PRKCG: variants seen among roughly 807,000 people sequenced by gnomAD.
The protein encoded by PRKCG is protein kinase C gamma.
A neutral mutation model predicts 82.0 loss-of-function variants in PRKCG; 28 were observed. That is an observed-to-expected ratio of 0.34 (90% CI 0.25 to 0.47). PRKCG has a LOEUF of 0.47. PRKCG is among the 20% of genes least tolerant of loss of function. PRKCG has a pLI of 1.00. For missense variants in PRKCG, 640 were observed against 952.7 expected (o/e 0.67, Z 4.32); for synonymous variants, 383 against 376.6 (o/e 1.02, Z -0.20).
In PRKCG at chr19:53,892,534, C is replaced by T. The variant is rs771732555; in HGVS notation, c.712C>T (p.Arg238Cys). The change falls in exon 7 of 18, where the codon CGC becomes TGC. Residue 238 changes from arginine (R) to cysteine (C), a missense_variant. This residue lies in a region of PRKCG where 261 missense variants were observed against 312.1 expected (regional missense o/e 0.84). Coordinates refer to ENST00000263431, the MANE Select transcript of PRKCG (RefSeq NM_002739.5). The surrounding 1 kb of genome is among the most constrained non-coding windows in gnomAD (Gnocchi z 5.9). The part of the protein sequence containing the change: ...VFNLKPGDVE[R>C]RLSVEVWDWD... ...CAACCTGAAGCCAGGGGATGTGGAG[C>T]GCCGGCTCAGCGTGGAGGTGTGGGA... 10 of 1,612,858 alleles carry T rather than the reference C, an allele frequency of 6.2e-6. No homozygotes were observed. Among genetic ancestry groups the T allele is most frequent in the Admixed American group, 1.7e-5 (1 of 59,932 alleles).
chr19:53,888,325 C>A (rs1167585750), intron 3 of PRKCG, among the ~76,000 whole-genome samples: 1 of 152,106 alleles, frequency 6.6e-6, no homozygotes, highest in African/African-American at 2.4e-5. Flanking sequence ...TGTGATAATC[C>A]TTTTAATGGA....
At chr19:53,887,728 G>A (rs1384207708) in intron 3 of PRKCG, among the ~76,000 whole-genome samples, 1 of 150,850 alleles carries the variant, frequency 6.6e-6, no homozygotes, top group Non-Finnish European at 1.5e-5. Context: ...TACTCGGGAG[G>A]CTGAGGCAGG....
chr19:53,898,308 CAGGGCTGTCAG>C, intron 10 of PRKCG, 121 bp from the exon 11 acceptor site: 1 of 1,360,006 alleles, frequency 7.4e-7, no homozygotes, highest in Non-Finnish European at 1.0e-6. Flanking sequence ...GGCGGCAAGT[CAGGGCTGTCAG>C]TCCCTTAAGA....
rs991190048 is a variant in PRKCG, at chr19:53,883,514, G to A, written c.202+320G>A. On this transcript the variant is annotated intron_variant, in intron 2 of 17. Coordinates refer to ENST00000263431, the MANE Select transcript of PRKCG (RefSeq NM_002739.5). The surrounding 1 kb of genome is among the most constrained non-coding windows in gnomAD (Gnocchi z 5.4). ...AGGGGGAGGGGGCTGGAGATGCAAAGTCAGAGCCCCCCCCCACCCCAGGCT... is the reference window on the plus strand; with the variant it reads ...AGGGGGAGGGGGCTGGAGATGCAAAATCAGAGCCCCCCCCCACCCCAGGCT... Among the ~76,000 whole-genome samples, 1 of 151,884 alleles carries A rather than the reference G, an allele frequency of 6.6e-6. No homozygotes were observed. The highest frequency in any genetic ancestry group is 2.4e-5 in the African/African-American group (1 of 41,292).
chr19:53,890,076 C>T (rs2068662207), intron 5 of PRKCG, 59 bp downstream of exon 5: 6 of 1,521,238 alleles, frequency 3.9e-6, no homozygotes, highest in South Asian at 3.6e-5. Context: ...GCGGGGCTGA[C>T]CCAAGGCACT....
At position 53,889,584 on chromosome 19, in the gene PRKCG, C is replaced by G. The variant is rs2068655931; in HGVS notation, c.286-54C>G. On this transcript the variant is annotated intron_variant, in intron 3 of 17. Transcript: ENST00000263431. This position sits in a 1 kb window ranked among gnomAD's most constrained non-coding sequence, Gnocchi z 4.4. Reference sequence around the variant, plus strand: ...AGGAAAAGATAAAAGGGCCCCTCCCCTGGGGTTTTAGGACCCTCCCAACGC... The same window carrying G: ...AGGAAAAGATAAAAGGGCCCCTCCCGTGGGGTTTTAGGACCCTCCCAACGC... The G allele has an allele frequency of 7.2e-7, 1 of 1,390,384 alleles. No individual in the cohort carries two copies. Among genetic ancestry groups the G allele is most frequent in the Non-Finnish European group, 1.0e-6 (1 of 979,400 alleles). The allele number at this position is 1,390,384 out of a possible 1,614,324, so 86.1% of individuals were successfully genotyped here.
At chr19:53,891,583 A>C in intron 5 of PRKCG, 91 bp from the exon 6 acceptor site, 19 of 1,542,574 alleles carry the variant, frequency 1.2e-5, no homozygotes, top group Non-Finnish European at 1.6e-5. Flanking sequence ...TGCCTGGCCA[A>C]GCTTGGAACT....
Position 53,892,774 on chromosome 19 carries a change from A to ACACG in PRKCG, c.821+134_821+135insGCAC. On this transcript the variant is annotated intron_variant, in intron 7 of 17. Transcript: ENST00000263431. The surrounding 1 kb of genome is among the most constrained non-coding windows in gnomAD (Gnocchi z 5.9). ...TGCGCACACACACACACACACACAC[A>ACACG]CACACACGCACACACACGCACACAC... 1 of 1,034,194 alleles carries ACACG rather than the reference A, an allele frequency of 9.7e-7. No individual in the cohort carries two copies. Among genetic ancestry groups the ACACG allele is most frequent in the East Asian group, 2.6e-5 (1 of 38,386 alleles). 64.1% of individuals were successfully genotyped at this position (1,034,194 alleles called of 1,614,324 possible).
Position 53,892,749 on chromosome 19 carries a change from T to TGC in PRKCG, c.821+109_821+110dup, listed in dbSNP as rs780235525. The TGC allele has an allele frequency of 0.035, 34,716 of 979,172 alleles. 257 individuals are homozygous for TGC. The highest frequency in any genetic ancestry group is 0.037 in the Admixed American group (1,371 of 37,540). 60.7% of individuals were successfully genotyped at this position (979,172 alleles called of 1,614,324 possible). A position where few individuals can be genotyped will look rare whatever the true frequency, so the allele number is the denominator to read the frequency against. Reference sequence around the variant, plus strand: ...CTGTCCTTCCCTCTGCCTCCCAGCATGCGCACACACACACACACACACACA... The same window carrying TGC: ...CTGTCCTTCCCTCTGCCTCCCAGCATGCGCGCACACACACACACACACACACA... On this transcript the variant is annotated intron_variant, in intron 7 of 17. Transcript: ENST00000263431. The surrounding 1 kb of genome is among the most constrained non-coding windows in gnomAD (Gnocchi z 5.9).
In PRKCG at chr19:53,882,745, A is replaced by T. The variant is rs2068602496; in HGVS notation, c.170+81A>T. ...TATCACGCCGACCCCTGTGGAAGGA[A>T]GAAGGAGGGGGCTGTAGTCCCGACT... On this transcript the variant is annotated intron_variant, in intron 1 of 17. Transcript: ENST00000263431. The surrounding 1 kb of genome is among the most constrained non-coding windows in gnomAD (Gnocchi z 6.1). 6.4e-7 allele frequency: 1 copy of T among 1,552,614 alleles called. No homozygotes were observed. Among genetic ancestry groups the T allele is most frequent in the Non-Finnish European group, 8.7e-7 (1 of 1,145,742 alleles).
Position 53,906,857 on chromosome 19 carries a change from C to T in PRKCG, c.2056C>T (p.Arg686Cys), listed in dbSNP as rs770722155. The T allele has an allele frequency of 1.9e-6, 3 of 1,613,534 alleles. No individual in the cohort carries two copies. The highest frequency in any genetic ancestry group is 1.3e-5 in the African/African-American group (1 of 74,900). The change falls in exon 18 of 18, where the codon CGC becomes TGC. Residue 686 changes from arginine to cysteine, a missense_variant. By Grantham distance (180) the Arg-to-Cys change is radical (BLOSUM62 -3). This residue lies in a region of PRKCG where 198 missense variants were observed against 273.4 expected (regional missense o/e 0.72). Coordinates refer to ENST00000263431, the MANE Select transcript of PRKCG (RefSeq NM_002739.5). The part of the protein sequence containing the change: ...VNPDFVHPDA[R>C]SPTSPVPVPV... ...CCCCGACTTCGTGCACCCGGATGCC[C>T]GCAGCCCCACCAGCCCAGTGCCTGT...
At position 53,900,446 on chromosome 19, in the gene PRKCG, C is replaced by T. The variant is rs757915828; in HGVS notation, c.1401C>T (p.Gly467=). 1.9e-6 allele frequency: 3 copies of T among 1,614,176 alleles called. No homozygotes were observed. The highest frequency in any genetic ancestry group is 3.3e-5 in the Admixed American group (2 of 60,022). ...AAFYAAEIAI[G]LFFLHNQGII... is the part of the protein sequence containing the mutation. ...TCTACGCGGCAGAAATCGCTATCGG[C>T]CTCTTCTTCCTTCACAATCAGGGCA... Residue 467 remains glycine, a synonymous_variant, in exon 13 of 18, where the codon GGC becomes GGT. Transcript: ENST00000263431. The surrounding 1 kb of genome is among the most constrained non-coding windows in gnomAD (Gnocchi z 4.2).
chr19:53,894,478 GAGACAGAA>G (rs2068703805), intron 9 of PRKCG, among the ~76,000 whole-genome samples: 1 of 129,508 alleles, frequency 7.7e-6, no homozygotes, highest in Non-Finnish European at 1.7e-5. Context: ...TTTTTTTTTT[GAGACAGAA>G]TCTCCTTTTG....
upstream of PRKCG, chr19:53,882,183 A>T (rs307942): frequency 1.0e-5 from 4 of 384,358 alleles, no homozygotes; most frequent in East Asian, 7.8e-5. This position sits in a 1 kb window ranked among gnomAD's most constrained non-coding sequence, Gnocchi z 6.1. Context: ...CGCCTCCCCC[A>T]ACCCGGGGCT....
chr19:53,898,430 G>T lies in PRKCG; in HGVS notation c.1093-10G>T, dbSNP rs986037372. 4.3e-6 allele frequency: 7 copies of T among 1,614,016 alleles called. No homozygotes were observed. Among genetic ancestry groups the T allele is most frequent in the Admixed American group, 1.7e-5 (1 of 60,020 alleles). ...AACATGGACTGGCCCTTTTGGAACT[G>T]TGCGCATAGGTGATGCTGGCCGAGC... On this transcript the variant is annotated splice_polypyrimidine_tract_variant and intron_variant, in intron 10 of 17. Coordinates refer to ENST00000263431, the MANE Select transcript of PRKCG (RefSeq NM_002739.5).
At chr19:53,896,476 G>C (rs930462208) in intron 9 of PRKCG, among the ~76,000 whole-genome samples, 5 of 151,894 alleles carry the variant, frequency 3.3e-5, no homozygotes, top group African/African-American at 1.2e-4. Context: ...CTGGAATGCA[G>C]TGGAGCGATC....
At chr19:53,904,864 G>A (rs1430238813) in intron 16 of PRKCG, 122 bp downstream of exon 16, 1 of 818,162 alleles carries the variant, frequency 1.2e-6, no homozygotes, top group Non-Finnish European at 2.1e-6. Flanking sequence ...TGTTGGAAAA[G>A]TTGATATGAT....
intron 8 of PRKCG, 28 bp from the exon 9 acceptor site, chr19:53,893,334 C>T: frequency 1.2e-6 from 2 of 1,609,692 alleles, no homozygotes; most frequent in Non-Finnish European, 1.7e-6. Flanking sequence ...TCTCTTGGGA[C>T]CCTGACTCTC....
intron 9 of PRKCG, among the ~76,000 whole-genome samples, chr19:53,895,105 A>G (rs556013990): frequency 6.6e-6 from 1 of 152,152 alleles, no homozygotes; most frequent in South Asian, 2.1e-4. Flanking sequence ...GGCTCTACTC[A>G]CTGGGGATAT....
Sources: gnomAD v4.1 joint callset for allele counts (sites outside exome capture counted in the v4.1 genomes callset) on GRCh38, gnomAD v4.1.1 for gene constraint, gnomAD v4.1.1 regional missense constraint, Gnocchi (gnomAD v3.1) non-coding constraint, MANE v1.5 for transcripts, NCBI Gene and HGNC (gene_info 2026-07-23, HGNC 2026-07-21) for gene names.